RARB: variants seen among roughly 807,000 people sequenced by gnomAD.
The protein encoded by RARB is retinoic acid receptor beta, also known as HBV-activated protein.
In RARB, 17 loss-of-function variants were observed where a neutral mutation model predicts 51.9. The observed-to-expected ratio is 0.33, with a 90% CI of 0.22 to 0.49. The LOEUF is 0.49. RARB is among the 20% of genes least tolerant of loss of function. RARB has a pLI of 0.99. For synonymous variants in RARB, 215 were observed against 195.4 expected, an observed-to-expected ratio of 1.10 and a Z score of -0.84; for missense variants, 369 against 550.8, an observed-to-expected ratio of 0.67 and a Z score of 3.30.
intron 5 of RARB, among the ~76,000 whole-genome samples, chr3:25,245,979 T>C (rs1251937391): frequency 6.6e-6 from 1 of 152,150 alleles, no homozygotes; most frequent in Non-Finnish European, 1.5e-5. Context: ...TTTGGTCTTT[T>C]CACAAAGTCC....
intron 3 of RARB, among the ~76,000 whole-genome samples, chr3:25,560,094 A>G (rs1013327852): frequency 1.3e-5 from 2 of 152,338 alleles, no homozygotes; most frequent in East Asian, 1.9e-4. Context: ...TAGACTGCCA[A>G]TTTTCTAAAA....
At chr3:24,842,980 C>T (rs1702438457) in intron 1 of RARB, among the ~76,000 whole-genome samples, 1 of 152,202 alleles carries the variant, frequency 6.6e-6, no homozygotes, top group Non-Finnish European at 1.5e-5. Context: ...TCACCTTTGG[C>T]CTTTATTATC....
intron 2 of RARB, among the ~76,000 whole-genome samples, chr3:24,866,430 G>A (rs190812171): frequency 1.7e-3 from 262 of 152,174 alleles, no homozygotes; most frequent in Middle Eastern, 0.014. Context: ...CTAATGACCC[G>A]TTGTAACACA....
chr3:25,225,171 C>T (rs1002229364), intron 5 of RARB, among the ~76,000 whole-genome samples: 11 of 152,082 alleles, frequency 7.2e-5, no homozygotes, highest in African/African-American at 2.4e-4. Flanking sequence ...TTATAAGATG[C>T]TTACTACATG....
intron 2 of RARB, among the ~76,000 whole-genome samples, chr3:25,015,627 A>G (rs1292465856): frequency 1.3e-5 from 2 of 152,164 alleles, no homozygotes; most frequent in Non-Finnish European, 2.9e-5. Flanking sequence ...CCTGGTTCCC[A>G]CAGCCTCCCT....
At chr3:25,368,759 G>T (rs7623744) in intron 5 of RARB, among the ~76,000 whole-genome samples, 2 of 151,892 alleles carry the variant, frequency 1.3e-5, no homozygotes, top group African/African-American at 4.8e-5. Flanking sequence ...ATGTTATCCA[G>T]TGCTGGCCTG....
chr3:24,948,627 G>C (rs909707830), intron 2 of RARB, among the ~76,000 whole-genome samples: 1 of 152,174 alleles, frequency 6.6e-6, no homozygotes, highest in Non-Finnish European at 1.5e-5. Flanking sequence ...TTAGTGGTTT[G>C]GATGTTTGTC....
At chr3:25,457,476 A>G (rs978305170) in intron 1 of RARB, among the ~76,000 whole-genome samples, 2 of 152,226 alleles carry the variant, frequency 1.3e-5, no homozygotes, top group East Asian at 3.8e-4. Context: ...ATTACTTACA[A>G]TAGAACATTT....
chr3:25,507,445 A>G (rs1417326203), intron 3 of RARB, among the ~76,000 whole-genome samples: 1 of 152,224 alleles, frequency 6.6e-6, no homozygotes. Context: ...GATGAGAGAA[A>G]CATTGGTATT....
At chr3:25,437,549 G>A (rs374290462) in intron 1 of RARB, among the ~76,000 whole-genome samples, 4 of 152,150 alleles carry the variant, frequency 2.6e-5, no homozygotes, top group East Asian at 3.9e-4. Flanking sequence ...GACACAAGTC[G>A]TTGTCACATA....
At chr3:25,185,474 T>C (rs1320128670) in intron 5 of RARB, among the ~76,000 whole-genome samples, 1 of 152,122 alleles carries the variant, frequency 6.6e-6, no homozygotes, top group Non-Finnish European at 1.5e-5. Flanking sequence ...ACACTAATAT[T>C]AATTGCTTAA....
intron 3 of RARB, among the ~76,000 whole-genome samples, chr3:25,540,878 G>C (rs1257474316): frequency 8.0e-6 from 1 of 125,656 alleles, no homozygotes; most frequent in Non-Finnish European, 1.6e-5. Flanking sequence ...CATGGTGGGG[G>C]CTTCCTCCTT....
At chr3:25,006,015 C>G (rs563193030) in intron 2 of RARB, among the ~76,000 whole-genome samples, 1 of 152,230 alleles carries the variant, frequency 6.6e-6, no homozygotes, top group Admixed American at 6.5e-5. Flanking sequence ...AATCCCACCT[C>G]AGGGCTTTTG....
At chr3:24,986,955 C>T (rs1160300059) in intron 2 of RARB, among the ~76,000 whole-genome samples, 1 of 137,116 alleles carries the variant, frequency 7.3e-6, no homozygotes, top group Admixed American at 8.1e-5. Flanking sequence ...AACCCAAGAA[C>T]ATTTAGATTT....
At position 25,563,254 on chromosome 3, in the gene RARB, A is replaced by G. The variant is rs1215535310; in HGVS notation, c.449-6504A>G. On this transcript the variant is annotated intron_variant, in intron 3 of 7. Coordinates refer to ENST00000330688, the MANE Select transcript of RARB (RefSeq NM_000965.5). ...CTCTTAGGATTCCATTTTGACCTCC[A>G]TTTTACAAACCCTGAAATCAAAGTC... Among the ~76,000 whole-genome samples, 7 of 152,234 alleles carry G rather than the reference A, an allele frequency of 4.6e-5. No homozygotes were observed. In the South Asian group the frequency reaches 1.5e-3, roughly 32 times the overall value.
intron 3 of RARB, among the ~76,000 whole-genome samples, chr3:25,131,747 C>T (rs1012652977): frequency 1.3e-5 from 2 of 151,948 alleles, no homozygotes; most frequent in African/African-American, 4.8e-5. Flanking sequence ...GCCCTAAAGA[C>T]TTTAAATTCT....
chr3:24,889,985 A>G (rs1703346447), intron 2 of RARB, among the ~76,000 whole-genome samples: 1 of 152,058 alleles, frequency 6.6e-6, no homozygotes, highest in Admixed American at 6.6e-5. Flanking sequence ...TGAATGTTGT[A>G]TGGCACATTC....
intron 5 of RARB, among the ~76,000 whole-genome samples, chr3:25,290,340 C>A (rs1703756550): frequency 6.6e-6 from 1 of 152,138 alleles, no homozygotes. Flanking sequence ...CATGTAAAGA[C>A]ACTCAAAGAA....
At chr3:25,371,305 G>T (rs1488237073) in intron 5 of RARB, among the ~76,000 whole-genome samples, 3 of 152,126 alleles carry the variant, frequency 2.0e-5, no homozygotes, top group African/African-American at 7.2e-5. Context: ...GGTTCTGAAG[G>T]TTGGGATGTG....
Sources: gnomAD v4.1 joint callset for allele counts (sites outside exome capture counted in the v4.1 genomes callset) on GRCh38, gnomAD v4.1.1 for gene constraint, MANE v1.5 for transcripts, NCBI Gene and HGNC (gene_info 2026-07-23, HGNC 2026-07-21) for gene names.